ELP2: variants seen among roughly 807,000 people sequenced by gnomAD.
The protein encoded by ELP2 is elongator acetyltransferase complex subunit 2.
Under a neutral mutation model 119.2 loss-of-function variants are expected in ELP2, and 90 were observed. The ratio of observed to expected loss-of-function variants is 0.75; its 90% CI spans 0.64 to 0.90. The LOEUF is 0.90. Among genes scored for constraint, ELP2 ranks in the 40% least tolerant of loss-of-function variants. The probability of loss-of-function intolerance (pLI) is 0.00; values close to 1 mark genes in which losing one functional copy is unlikely to be tolerated. For missense variants in ELP2, 921 were observed against 967.8 expected (o/e 0.95, Z 0.64); for synonymous variants, 339 against 331.0 (o/e 1.02, Z -0.26).
chr18:36,161,624 A>G (rs2090744746), intron 17 of ELP2, among the ~76,000 whole-genome samples: 1 of 152,200 alleles, frequency 6.6e-6, no homozygotes, highest in South Asian at 2.1e-4. Flanking sequence ...TGATATAGCA[A>G]TTGTGGAGGA....
rs1313810889 is a variant in ELP2, at chr18:36,141,162, T to A, written c.549T>A (p.Asp183Glu). 1.2e-6 allele frequency: 2 copies of A among 1,613,906 alleles called. No homozygotes were observed. Among genetic ancestry groups the A allele is most frequent in the Non-Finnish European group, 1.7e-6 (2 of 1,179,856 alleles). Reference sequence around the variant, plus strand: ...TACCAATATTAGCATGTGGCAATGATGATTGCAGAATTCACATATTTGCTC... The same window carrying A: ...TACCAATATTAGCATGTGGCAATGAAGATTGCAGAATTCACATATTTGCTC... ...TDVPILACGN[D>E]DCRIHIFAQQ... Residue 183 changes from aspartate (D) to glutamate (E), a missense_variant, in exon 6 of 22, where the codon GAT becomes GAA. Transcript: ENST00000358232.
chr18:36,138,753 T>G, intron 4 of ELP2, 42 bp from the exon 5 acceptor site: 26 of 1,496,320 alleles, frequency 1.7e-5, no homozygotes, highest in South Asian at 3.4e-5. Flanking sequence ...GGATAAGCTC[T>G]GAGGTAGTTA....
intron 5 of ELP2, chr18:36,139,318 A>G: frequency 1.7e-6 from 2 of 1,186,730 alleles, no homozygotes; most frequent in Non-Finnish European, 2.3e-6. Context: ...TGCAAACAGA[A>G]AAATTTCCCT....
intron 11 of ELP2, among the ~76,000 whole-genome samples, chr18:36,147,572 A>G (rs1789545): frequency 0.99 from 150,768 of 152,056 alleles, 74,762 homozygotes; most frequent in East Asian, 1. Context: ...CTACCACCAT[A>G]TCTGGCTAAT....
chr18:36,135,312 T>C (rs2089786300), intron 2 of ELP2, among the ~76,000 whole-genome samples: 1 of 152,250 alleles, frequency 6.6e-6, no homozygotes, highest in South Asian at 2.1e-4. Context: ...CGGTGATATA[T>C]AAAATTTTAA....
In ELP2 at chr18:36,142,264, G is replaced by T; in HGVS notation, c.589-17G>T. 1 of 1,610,200 alleles carries T rather than the reference G, an allele frequency of 6.2e-7. No individual in the cohort carries two copies. The highest frequency in any genetic ancestry group is 1.1e-5 in the South Asian group (1 of 90,974). ...GTTAAATTCTTACATCAAGCCCAAT[G>T]ATTTTTATCTTACTAGTTTCAGAAA... On this transcript the variant is annotated splice_polypyrimidine_tract_variant and intron_variant, in intron 6 of 21. Transcript: ENST00000358232.
intron 21 of ELP2, among the ~76,000 whole-genome samples, chr18:36,171,486 T>C (rs995090266): frequency 6.6e-6 from 1 of 152,240 alleles, no homozygotes; most frequent in African/African-American, 2.4e-5. Context: ...AAAATGTTTG[T>C]GATTTTTAAA....
intron 11 of ELP2, among the ~76,000 whole-genome samples, chr18:36,151,502 T>G (rs2090398873): frequency 6.6e-6 from 1 of 152,188 alleles, no homozygotes; most frequent in African/African-American, 2.4e-5. Flanking sequence ...TTTGATAGTG[T>G]TGTATTACTA....
intron 9 of ELP2, 75 bp from the exon 10 acceptor site, chr18:36,145,873 T>G (rs1598763897): frequency 4.1e-6 from 5 of 1,232,408 alleles, no homozygotes; most frequent in Middle Eastern, 1.9e-4. Flanking sequence ...ACCCATGTTG[T>G]TTGTTGTTTT....
chr18:36,168,810 C>G lies in ELP2; in HGVS notation c.2077-1253C>G, dbSNP rs1384500861. On this transcript the variant is annotated intron_variant, in intron 19 of 21. Coordinates refer to ENST00000358232, the MANE Select transcript of ELP2 (RefSeq NM_018255.4). ...GACAAAGCAGCATTCGCTGGACATT[C>G]TCTGAAATGTACTTCTTCTTGCTTA... is the stretch of plus-strand genomic sequence containing the variant. Among the ~76,000 whole-genome samples the G allele has an allele frequency of 6.6e-5, 10 of 151,798 alleles. 1 individual carries two copies. The highest frequency in any genetic ancestry group is 1.3e-4 in the Non-Finnish European group (9 of 67,984).
rs2091280695 is a variant in ELP2, at chr18:36,179,024, C to T, written c.*4383C>T. On this transcript the variant is annotated 3_prime_UTR_variant, in exon 22 of 22. Transcript: ENST00000358232. ...CCCTTCTAGCATGTAGTGGATGGTC[C>T]AGTATTAAGGCTCTGCCATGCTTAA... 1 of 152,116 alleles carries T rather than the reference C, an allele frequency of 6.6e-6. No homozygotes were observed. Among genetic ancestry groups the T allele is most frequent in the Admixed American group, 6.6e-5 (1 of 15,256 alleles). The allele number at this position is 152,116 out of a possible 1,614,324, so 9.4% of individuals were successfully genotyped here.
At position 36,130,038 on chromosome 18, in the gene ELP2, C is replaced by T; in HGVS notation, c.105C>T (p.Gly35=). ...GGCCCAGAGGACTTCTGGCCTTTGG[C>T]ACGTCCTGCTCCGTGGTGCTCTATG... ...SSGPRGLLAF[G]TSCSVVLYDP... The change falls in exon 1 of 22, where the codon GGC becomes GGT. Residue 35 remains glycine, a synonymous_variant. Transcript: ENST00000358232. 1 of 1,614,174 alleles carries T rather than the reference C, an allele frequency of 6.2e-7. No homozygotes were observed. The highest frequency in any genetic ancestry group is 8.5e-7 in the Non-Finnish European group (1 of 1,180,022).
Position 36,170,099 on chromosome 18 carries a change from T to C in ELP2, c.2113T>C (p.Cys705Arg). 1 of 1,614,164 alleles carries C rather than the reference T, an allele frequency of 6.2e-7. No individual in the cohort carries two copies. Among genetic ancestry groups the C allele is most frequent in the African/African-American group, 1.3e-5 (1 of 75,046 alleles). ...VWGECDSTDD[C>R]IEHNIGPCSS... The stretch of plus-strand genomic sequence containing the variant: ...GGGTGAGTGCGACTCCACTGATGAC[T>C]GTATTGAGCACAACATTGGCCCCTG... Residue 705 changes from cysteine (C) to arginine (R), a missense_variant, in exon 20 of 22, where the codon TGT (cysteine) becomes CGT (arginine). Cys to Arg is a radical substitution (Grantham distance 180, BLOSUM62 -3). Coordinates refer to ENST00000358232, the MANE Select transcript of ELP2 (RefSeq NM_018255.4).
intron 18 of ELP2, among the ~76,000 whole-genome samples, chr18:36,166,078 C>T (rs529634714): frequency 5.9e-4 from 89 of 150,316 alleles, no homozygotes; most frequent in African/African-American, 2.0e-3. Flanking sequence ...CTGTAATCCC[C>T]GCTACTCAGG....
chr18:36,165,837 A>T (rs893164840), intron 18 of ELP2, among the ~76,000 whole-genome samples: 3 of 151,960 alleles, frequency 2.0e-5, no homozygotes, highest in Admixed American at 6.6e-5. Context: ...AGCCAAGATG[A>T]TGCCATTGCA....
rs60340304 is a variant in ELP2, at chr18:36,165,045, C to T, written c.1954+378C>T. 459 of 227,206 alleles carry T rather than the reference C, an allele frequency of 2.0e-3. 1 individual carries two copies. Among genetic ancestry groups the T allele is most frequent in the African/African-American group, 0.01 (438 of 43,208 alleles). 14.1% of individuals were successfully genotyped at this position (227,206 alleles called of 1,614,324 possible). On this transcript the variant is annotated intron_variant, in intron 18 of 21. Coordinates refer to ENST00000358232, the MANE Select transcript of ELP2 (RefSeq NM_018255.4). Reference sequence around the variant, plus strand: ...TTATGGGACAGGAATAATGAAGATACAACTAAGAAAACTCATGGTTGAGTG... The same window carrying T: ...TTATGGGACAGGAATAATGAAGATATAACTAAGAAAACTCATGGTTGAGTG...
At position 36,164,636 on chromosome 18, in the gene ELP2, G is replaced by T. The variant is rs748788442; in HGVS notation, c.1923G>T (p.Trp641Cys). The change falls in exon 18 of 22, where the codon TGG becomes TGT. Residue 641 changes from tryptophan (W) to cysteine (C), a missense_variant. Physicochemically the swap from Trp to Cys is radical, Grantham distance 215. Transcript: ENST00000358232. ...AVSRDRTWSL[W>C]KKQDTISPEF... Reference sequence around the variant, plus strand: ...CCAGAGATCGAACCTGGTCATTGTGGAAAAAGCAGGATACAATCTCACCTG... The same window carrying T: ...CCAGAGATCGAACCTGGTCATTGTGTAAAAAGCAGGATACAATCTCACCTG... 1.2e-6 allele frequency: 2 copies of T among 1,614,066 alleles called. No individual in the cohort carries two copies. Among genetic ancestry groups the T allele is most frequent in the East Asian group, 4.5e-5 (2 of 44,842 alleles).
intron 2 of ELP2, among the ~76,000 whole-genome samples, chr18:36,135,325 T>A (rs1488787019): frequency 6.6e-6 from 1 of 152,194 alleles, no homozygotes; most frequent in Non-Finnish European, 1.5e-5. Context: ...AATTTTAATA[T>A]CATTTTGTAT....
chr18:36,151,113 C>T (rs538117594), intron 11 of ELP2, among the ~76,000 whole-genome samples: 14 of 145,462 alleles, frequency 9.6e-5, no homozygotes, highest in African/African-American at 3.3e-4. Context: ...GAGACAGTGT[C>T]TCACTCTGTT....
Sources: gnomAD v4.1 joint callset for allele counts (sites outside exome capture counted in the v4.1 genomes callset) on GRCh38, gnomAD v4.1.1 for gene constraint, MANE v1.5 for transcripts, NCBI Gene and HGNC (gene_info 2026-07-23, HGNC 2026-07-21) for gene names.